SLC25A30: variants seen among roughly 807,000 people sequenced by gnomAD.
The protein encoded by SLC25A30 is kidney mitochondrial carrier protein 1.
Under a neutral mutation model 42.7 loss-of-function variants are expected in SLC25A30, and 29 were observed. The ratio of observed to expected loss-of-function variants is 0.68; its 90% CI spans 0.51 to 0.93. SLC25A30 has a LOEUF of 0.93. Among genes scored for constraint, SLC25A30 ranks in the 40% least tolerant of loss-of-function variants. The pLI is 0.00. For missense variants in SLC25A30, 300 were observed against 359.7 expected (o/e 0.83, Z 1.34); for synonymous variants, 124 against 131.0 (o/e 0.95, Z 0.37).
chr13:45,395,557 C>A lies in SLC25A30; in HGVS notation c.*417G>T. 6.5e-6 allele frequency: 7 copies of A among 1,072,322 alleles called. No individual in the cohort carries two copies. Among genetic ancestry groups the A allele is most frequent in the Non-Finnish European group, 7.9e-6 (7 of 881,122 alleles). The allele number at this position is 1,072,322 out of a possible 1,614,324, so 66.4% of individuals were successfully genotyped here. On this transcript the variant is annotated 3_prime_UTR_variant, in exon 10 of 10. Transcript: ENST00000519676. Reference sequence around the variant, plus strand: ...TCTCCCAGAAATTCAGAAACCATAACACCTTCTCGGAGGCTCCATTCCATG... The same window carrying A: ...TCTCCCAGAAATTCAGAAACCATAAAACCTTCTCGGAGGCTCCATTCCATG...
upstream of SLC25A30, among the ~76,000 whole-genome samples, chr13:45,423,432 C>T (rs1347317011): frequency 1.4e-5 from 2 of 143,950 alleles, no homozygotes; most frequent in South Asian, 2.2e-4. Context: ...TTTTTATGCC[C>T]AAGGGTTAGC....
chr13:45,408,048 C>G (rs1882679785), intron 3 of SLC25A30, among the ~76,000 whole-genome samples: 1 of 152,150 alleles, frequency 6.6e-6, no homozygotes, highest in Non-Finnish European at 1.5e-5. Context: ...TAAAGCTGAT[C>G]AGGTCCATCC....
At chr13:45,414,995 A>T (rs945564195) in intron 1 of SLC25A30, among the ~76,000 whole-genome samples, 2 of 152,218 alleles carry the variant, frequency 1.3e-5, no homozygotes, top group Non-Finnish European at 2.9e-5. Flanking sequence ...ACAACTTTGC[A>T]GAAATTCCAG....
chr13:45,400,419 C>T (rs1348618651), intron 7 of SLC25A30, among the ~76,000 whole-genome samples: 2 of 152,098 alleles, frequency 1.3e-5, no homozygotes, highest in Non-Finnish European at 2.9e-5. Flanking sequence ...GACCCCGTCT[C>T]ACATAAATAA....
the SLC25A30 span, among the ~76,000 whole-genome samples, chr13:45,423,811 TA>T: frequency 1.0e-4 from 4 of 38,606 alleles, no homozygotes; most frequent in Admixed American, 1.8e-3. Context: ...TTTATATATA[TA>T]AAAATATAAA....
intron 2 of SLC25A30, 86 bp from the exon 3 acceptor site, chr13:45,409,160 C>A (rs1193457388): frequency 9.3e-6 from 9 of 965,002 alleles, no homozygotes; most frequent in Non-Finnish European, 1.3e-5. Context: ...AGGAAACATT[C>A]AGACTACAAT....
chr13:45,393,481 A>C lies in SLC25A30; in HGVS notation c.*2493T>G. On this transcript the variant is annotated 3_prime_UTR_variant, in exon 10 of 10. Transcript: ENST00000519676. ...TCTAGCACATGAATAAATATAAAGGACAGGAGCCACTTTTTATATTATGAA... is the reference window on the plus strand; with the variant it reads ...TCTAGCACATGAATAAATATAAAGGCCAGGAGCCACTTTTTATATTATGAA... 9.1e-6 allele frequency: 9 copies of C among 984,972 alleles called. No individual in the cohort carries two copies. The highest frequency in any genetic ancestry group is 1.1e-5 in the Non-Finnish European group (9 of 829,490). 61.0% of individuals were successfully genotyped at this position (984,972 alleles called of 1,614,324 possible).
At chr13:45,427,231 C>CCTGTCTCTCAATCCT in the SLC25A30 span, among the ~76,000 whole-genome samples, 1 of 152,148 alleles carries the variant, frequency 6.6e-6, no homozygotes, top group African/African-American at 2.4e-5. Flanking sequence ...CTCCCATCTT[C>CCTGTCTCTCAATCCT]CTGTCTCTCA....
At chr13:45,397,894 A>G (rs912283504) in intron 8 of SLC25A30, 1 of 985,596 alleles carries the variant, frequency 1.0e-6, no homozygotes, top group Non-Finnish European at 1.2e-6. Context: ...GAGTGAGGAA[A>G]AAATTAGATT....
At chr13:45,421,319 C>CAGTG (rs1189049847), upstream of SLC25A30, among the ~76,000 whole-genome samples, 27 of 134,288 alleles carry the variant, frequency 2.0e-4, no homozygotes, top group Admixed American at 2.3e-3. Flanking sequence ...GCAGAGGTTG[C>CAGTG]AGTGAGTTGA....
the SLC25A30 span, among the ~76,000 whole-genome samples, chr13:45,428,277 C>T: frequency 7.8e-4 from 119 of 151,756 alleles, no homozygotes; most frequent in East Asian, 5.8e-4. Flanking sequence ...GGTGCAATCT[C>T]GGCTCACTGC....
rs1323454364 is a variant in SLC25A30, at chr13:45,395,390, T to C, written c.*584A>G. 2.0e-6 allele frequency: 2 copies of C among 986,414 alleles called. No individual in the cohort carries two copies. Among genetic ancestry groups the C allele is most frequent in the South Asian group, 4.7e-5 (1 of 21,340 alleles). The allele number at this position is 986,414 out of a possible 1,614,324, so 61.1% of individuals were successfully genotyped here. A position where few individuals can be genotyped will look rare whatever the true frequency, so the allele number is the denominator to read the frequency against. On this transcript the variant is annotated 3_prime_UTR_variant, in exon 10 of 10. Coordinates refer to ENST00000519676, the MANE Select transcript of SLC25A30 (RefSeq NM_001010875.4). The stretch of plus-strand genomic sequence containing the variant: ...AGTCTTCAAAGCTTAAAATCACTTA[T>C]TATAAGTGGAAGATCCTGCCAAAAT...
At chr13:45,422,989 A>G (rs1334579313), upstream of SLC25A30, among the ~76,000 whole-genome samples, 1 of 152,146 alleles carries the variant, frequency 6.6e-6, no homozygotes, top group Non-Finnish European at 1.5e-5. Flanking sequence ...CCATGCTGCT[A>G]TGAGAACAGT....
rs1240631074 is a variant in SLC25A30, at chr13:45,394,851, A to G, written c.*1123T>C. Reference sequence around the variant, plus strand: ...GGTATTTTCCATCCAAACTAAACAGAAAGTCCAAGACAGGCACAACATAAA... The same window carrying G: ...GGTATTTTCCATCCAAACTAAACAGGAAGTCCAAGACAGGCACAACATAAA... On this transcript the variant is annotated 3_prime_UTR_variant, in exon 10 of 10. Transcript: ENST00000519676. 1 of 985,308 alleles carries G rather than the reference A, an allele frequency of 1.0e-6. No homozygotes were observed. The highest frequency in any genetic ancestry group is 1.7e-5 in the African/African-American group (1 of 57,238). 61.0% of individuals were successfully genotyped at this position (985,308 alleles called of 1,614,324 possible).
intron 2 of SLC25A30, among the ~76,000 whole-genome samples, chr13:45,409,465 A>C (rs1882813384): frequency 6.6e-6 from 1 of 151,476 alleles, no homozygotes. Context: ...AGAGGTAAAA[A>C]AAGTTCATTT....
chr13:45,400,159 C>G (rs1314230621), intron 7 of SLC25A30, among the ~76,000 whole-genome samples: 1 of 151,858 alleles, frequency 6.6e-6, no homozygotes, highest in African/African-American at 2.4e-5. Flanking sequence ...CAATGGCTGA[C>G]ACCTGTAATC....
intron 1 of SLC25A30, among the ~76,000 whole-genome samples, chr13:45,413,042 C>A (rs1883165464): frequency 6.6e-6 from 1 of 152,200 alleles, no homozygotes; most frequent in Admixed American, 6.5e-5. Flanking sequence ...GTCACCACTG[C>A]CCAGAATATC....
intron 9 of SLC25A30, 182 bp downstream of exon 9, chr13:45,397,076 A>G: frequency 1.7e-6 from 1 of 571,860 alleles, no homozygotes; most frequent in East Asian, 3.1e-5. Context: ...AGCAAGATTC[A>G]GTGTCTAGCA....
chr13:45,421,940 A>AC (rs1883900709), upstream of SLC25A30, among the ~76,000 whole-genome samples: 1 of 152,158 alleles, frequency 6.6e-6, no homozygotes, highest in Non-Finnish European at 1.5e-5. Flanking sequence ...GCACTTCTCA[A>AC]GTAGCTGGGC....
Sources: allele counts gnomAD v4.1 joint callset (sites outside exome capture counted in the v4.1 genomes callset), GRCh38; gene constraint gnomAD v4.1.1; transcripts MANE v1.5; gene names NCBI Gene and HGNC (gene_info 2026-07-23, HGNC 2026-07-21).